The following SLC10A7 variants were observed in gnomAD, a reference collection of about 807,000 sequenced individuals.
The protein encoded by SLC10A7 is solute carrier family 10 member 7, also known as sodium/bile acid cotransporter 7.
SLC10A7 carries 29 observed loss-of-function variants against 43.2 expected under a neutral mutation model. That is an observed-to-expected ratio of 0.67 (90% CI 0.50 to 0.92). The LOEUF (loss-of-function observed/expected upper bound fraction) is 0.92, where lower values mean the gene tolerates loss of function less well. Among genes scored for constraint, SLC10A7 ranks in the 40% least tolerant of loss-of-function variants. The pLI, the probability that SLC10A7 is intolerant of heterozygous loss-of-function variation, is 0.00. For missense variants in SLC10A7, 295 were observed against 403.2 expected, an observed-to-expected ratio of 0.73 and a Z score of 2.30; for synonymous variants, 152 against 144.8, an observed-to-expected ratio of 1.05 and a Z score of -0.35.
rs186815924 is a variant in SLC10A7 at position 146,429,812 on chromosome 4, A to T, written c.435+12971T>A. On this transcript the variant is annotated intron_variant, in intron 5 of 11. Coordinates refer to ENST00000335472, the MANE Select transcript of SLC10A7 (RefSeq NM_001029998.6). ...TAGAATGGATGGGAACAGTGCAAGCAAAGAGGTGGGAGCAGAAAAAGGTCC... is the reference window on the plus strand; with the variant it reads ...TAGAATGGATGGGAACAGTGCAAGCTAAGAGGTGGGAGCAGAAAAAGGTCC... 2.8e-3 allele frequency among the ~76,000 whole-genome samples: 426 copies of T among 152,244 alleles called. 9 individuals carry two copies. The highest frequency in any genetic ancestry group is 0.027 in the Admixed American group (413 of 15,284).
chr4:146,255,058 T>A lies in SLC10A7; in HGVS notation c.*1433A>T, dbSNP rs1268084562. On this transcript the variant is annotated 3_prime_UTR_variant, in exon 12 of 12. Coordinates refer to ENST00000335472, the MANE Select transcript of SLC10A7 (RefSeq NM_001029998.6). ...GAATGATTTTTTGTTGTGGGCATAA[T>A]AACGAAACAACAAAAACAGCTGCTG... 2 of 152,138 alleles carry A rather than the reference T, an allele frequency of 1.3e-5. No homozygotes were observed. Among genetic ancestry groups the A allele is most frequent in the African/African-American group, 2.4e-5 (1 of 41,416 alleles). 9.4% of individuals were successfully genotyped at this position (152,138 alleles called of 1,614,324 possible). A position where few individuals can be genotyped will look rare whatever the true frequency, so the allele number is the denominator to read the frequency against.
intron 5 of SLC10A7, among the ~76,000 whole-genome samples, chr4:146,359,587 A>G (rs2149760996): frequency 6.6e-6 from 1 of 152,298 alleles, no homozygotes; most frequent in African/African-American, 2.4e-5. Context: ...AAGGGGTGAC[A>G]GTAATATTGC....
At chr4:146,514,631 G>T (rs1208858799) in intron 2 of SLC10A7, 1 of 152,562 alleles carries the variant, frequency 6.6e-6, no homozygotes, top group Non-Finnish European at 1.5e-5. Context: ...AAACTTGAAT[G>T]GGACCAACAC....
chr4:146,374,661 C>CATATAT (rs1313401886), intron 5 of SLC10A7, among the ~76,000 whole-genome samples: 1 of 100,686 alleles, frequency 9.9e-6, no homozygotes, highest in Non-Finnish European at 2.0e-5. Context: ...CACACACACA[C>CATATAT]ATATATATAT....
intron 5 of SLC10A7, among the ~76,000 whole-genome samples, chr4:146,416,110 G>A (rs1049913455): frequency 6.6e-6 from 1 of 152,180 alleles, no homozygotes; most frequent in African/African-American, 2.4e-5. Context: ...TTGGCTGAAA[G>A]ACTGAGTGAG....
chr4:146,340,689 C>T (rs1288120828), intron 5 of SLC10A7, among the ~76,000 whole-genome samples: 1 of 151,724 alleles, frequency 6.6e-6, no homozygotes, highest in East Asian at 1.9e-4. Flanking sequence ...GAGACTTATC[C>T]CAATAAAATT....
intron 9 of SLC10A7, among the ~76,000 whole-genome samples, chr4:146,290,038 T>A (rs1730314715): frequency 6.8e-6 from 1 of 147,802 alleles, no homozygotes; most frequent in Non-Finnish European, 1.5e-5. Context: ...GTACAGAAAT[T>A]CTTGGGCTGG....
chr4:146,359,668 T>C (rs72952511), intron 5 of SLC10A7, among the ~76,000 whole-genome samples: 1,671 of 152,268 alleles, frequency 0.011, 25 homozygotes, highest in African/African-American at 0.038. Flanking sequence ...TGAAGATTAA[T>C]TTGAGAAGTA....
intron 5 of SLC10A7, among the ~76,000 whole-genome samples, chr4:146,328,230 ATG>A (rs1733290962): frequency 6.6e-6 from 1 of 152,096 alleles, no homozygotes; most frequent in Non-Finnish European, 1.5e-5. Flanking sequence ...ACCAGCACCC[ATG>A]TGCACCATGT....
intron 4 of SLC10A7, among the ~76,000 whole-genome samples, chr4:146,469,821 G>A (rs1733398202): frequency 6.6e-6 from 1 of 152,018 alleles, no homozygotes; most frequent in Middle Eastern, 3.4e-3. Context: ...GTAGAGATGA[G>A]GTCTCACTAT....
Position 146,293,116 on chromosome 4 carries a change from C to G in SLC10A7, c.722-136G>C, listed in dbSNP as rs181840804. 14 of 547,776 alleles carry G rather than the reference C, an allele frequency of 2.6e-5. No individual in the cohort carries two copies. The East Asian group carries it at 4.2e-4, about 16-fold the overall frequency. The allele number at this position is 547,776 out of a possible 1,614,324, so 33.9% of individuals were successfully genotyped here. On this transcript the variant is annotated intron_variant, in intron 8 of 11. Coordinates refer to ENST00000335472, the MANE Select transcript of SLC10A7 (RefSeq NM_001029998.6). ...AAACAAATAAACCAAACAAGCATGC[C>G]TTGCTAAATTGAAAGAATCATTTAA...
At chr4:146,293,520 C>A (rs543865836) in intron 8 of SLC10A7, among the ~76,000 whole-genome samples, 1 of 152,062 alleles carries the variant, frequency 6.6e-6, no homozygotes, top group Non-Finnish European at 1.5e-5. Context: ...TTTTAACCAA[C>A]GCAGCCAAGT....
chr4:146,369,985 A>G (rs1199365493), intron 5 of SLC10A7, among the ~76,000 whole-genome samples: 1 of 152,194 alleles, frequency 6.6e-6, no homozygotes, highest in African/African-American at 2.4e-5. Flanking sequence ...TAATTTGCAA[A>G]ACAATTTTCT....
chr4:146,258,773 C>T lies in SLC10A7; in HGVS notation c.912G>A (p.Leu304=). The change falls in exon 11 of 12, where the codon TTG becomes TTA. Residue 304 remains leucine, a synonymous_variant. Transcript: ENST00000335472. ...GGATCTGAGCTGGGTGGTAGATGAG[C>T]AAGGGTACAGATATTAAAGAGAGAT... ...HEHLSLISVP[L]LIYHPAQILL... is the part of the protein sequence containing the mutation. The T allele has an allele frequency of 6.2e-7, 1 of 1,610,680 alleles. No homozygotes were observed. Among genetic ancestry groups the T allele is most frequent in the Non-Finnish European group, 8.5e-7 (1 of 1,179,270 alleles).
chr4:146,294,585 A>C (rs1450949739), intron 7 of SLC10A7, among the ~76,000 whole-genome samples: 2 of 152,220 alleles, frequency 1.3e-5, no homozygotes, highest in African/African-American at 4.8e-5. Flanking sequence ...GCAATGCACC[A>C]GAAGTTTTTA....
chr4:146,351,132 G>T (rs1172334427), intron 5 of SLC10A7, among the ~76,000 whole-genome samples: 3 of 150,942 alleles, frequency 2.0e-5, no homozygotes, highest in Non-Finnish European at 4.4e-5. Context: ...TGAAAACTTT[G>T]AAAAAAATTT....
intron 5 of SLC10A7, among the ~76,000 whole-genome samples, chr4:146,413,876 C>T (rs1463619564): frequency 6.6e-6 from 1 of 152,118 alleles, no homozygotes; most frequent in Non-Finnish European, 1.5e-5. Context: ...TCCTTAAATT[C>T]CTATTACAGA....
rs1351966565 is a variant in SLC10A7 at position 146,369,756 on chromosome 4, C to G, written c.436-43760G>C. On this transcript the variant is annotated intron_variant, in intron 5 of 11. Transcript: ENST00000335472. ...ATCCCAATATTAACATATCTCATAG[C>G]AATCAATCATATTCAATTTTGATTT... Among the ~76,000 whole-genome samples, 5 of 152,196 alleles carry G rather than the reference C, an allele frequency of 3.3e-5. No homozygotes were observed. The East Asian group carries it at 9.6e-4, about 29-fold the overall frequency.
chr4:146,480,001 T>A (rs1047515348), intron 4 of SLC10A7, among the ~76,000 whole-genome samples: 11 of 152,170 alleles, frequency 7.2e-5, no homozygotes, highest in African/African-American at 2.7e-4. Flanking sequence ...CCAGAAAGAA[T>A]GTTTTCAAAA....
Sources: gnomAD v4.1 joint callset for allele counts (sites outside exome capture counted in the v4.1 genomes callset) on GRCh38, gnomAD v4.1.1 for gene constraint, MANE v1.5 for transcripts, NCBI Gene and HGNC (gene_info 2026-07-23, HGNC 2026-07-21) for gene names.